Variants in COMP observed in about 807,000 individuals in gnomAD.
COMP encodes the protein cartilage oligomeric matrix protein, also known as cartilage oligomeric matrix protein (pseudoachondroplasia, epiphyseal dysplasia 1, multiple).
COMP carries 79 observed loss-of-function variants against 95.8 expected under a neutral mutation model. That is an observed-to-expected ratio of 0.82 (90% CI 0.69 to 0.99). The LOEUF is 0.99. Among genes scored for constraint, COMP ranks in the 50% least tolerant of loss-of-function variants. The pLI is 0.00. For missense variants in COMP, 906 were observed against 1,076.1 expected (o/e 0.84, Z 2.21); for synonymous variants, 438 against 433.9 (o/e 1.01, Z -0.12).
rs933375240 is a variant in COMP at position 18,789,882 on chromosome 19, G to A, written c.390+60C>T. The A allele has an allele frequency of 8.3e-6, 13 of 1,574,952 alleles. No homozygotes were observed. Among genetic ancestry groups the A allele is most frequent in the East Asian group, 2.3e-5 (1 of 44,256 alleles). On this transcript the variant is annotated intron_variant, in intron 4 of 18. Coordinates refer to ENST00000222271, the MANE Select transcript of COMP (RefSeq NM_000095.3). The surrounding 1 kb of genome is among the most constrained non-coding windows in gnomAD (Gnocchi z 6.1). ...TGGAGGAAGGGGTCTCCCGGGCGGCGAGAGATTGGGGGGCGGTAGAGGGAG... is the reference window on the plus strand; with the variant it reads ...TGGAGGAAGGGGTCTCCCGGGCGGCAAGAGATTGGGGGGCGGTAGAGGGAG...
rs763184247 is a variant in COMP, at chr19:18,791,289, G to A, written c.-20C>T. 1.7e-5 allele frequency: 27 copies of A among 1,578,968 alleles called. No individual in the cohort carries two copies. In the East Asian group the frequency reaches 2.5e-4, roughly 15 times the overall value. On this transcript the variant is annotated 5_prime_UTR_variant, in exon 1 of 19. Coordinates refer to ENST00000222271, the MANE Select transcript of COMP (RefSeq NM_000095.3). The stretch of plus-strand genomic sequence containing the variant: ...GACCATGGCGGTGGCGGGGAGCTGG[G>A]TGGCTGCTCGCTTTCTACCGCCCAC...
intron 10 of COMP, chr19:18,786,905 T>G: frequency 2.4e-6 from 1 of 424,014 alleles, no homozygotes; most frequent in Non-Finnish European, 4.3e-6. Context: ...CCCGAGTAGC[T>G]GGGATTACAG....
At position 18,783,190 on chromosome 19, in the gene COMP, C is replaced by T. The variant is rs1601049632; in HGVS notation, c.2091G>A (p.Val697=). 3 of 1,607,662 alleles carry T rather than the reference C, an allele frequency of 1.9e-6. No homozygotes were observed. The East Asian group carries it at 6.7e-5, about 36-fold the overall frequency. Reference sequence around the variant, plus strand: ...CCAGCTCAGGGCCCTCATAGAATCGCACCCTGAGGGTCAGACATGGTGAGG... The same window carrying T: ...CCAGCTCAGGGCCCTCATAGAATCGTACCCTGAGGGTCAGACATGGTGAGG... The part of the protein sequence containing the change: ...QHRPQVGYIR[V]RFYEGPELVA... Residue 697 remains valine, a synonymous_variant, in exon 18 of 19, where the codon GTG becomes GTA. Coordinates refer to ENST00000222271, the MANE Select transcript of COMP (RefSeq NM_000095.3).
chr19:18,785,486 C>G lies in COMP; in HGVS notation c.1717+12G>C, dbSNP rs770690742. The stretch of plus-strand genomic sequence containing the variant: ...GCTCCGTGGCAGGATAGCGCTGCTC[C>G]CCGCTTCTCACCCACAGCCAGGCCT... On this transcript the variant is annotated intron_variant, in intron 15 of 18. Transcript: ENST00000222271. 3.7e-6 allele frequency: 6 copies of G among 1,613,286 alleles called. No homozygotes were observed. The South Asian group carries it at 4.4e-5, about 12-fold the overall frequency.
At chr19:18,785,241 C>A (rs377122921) in intron 15 of COMP, 149 bp from the exon 16 acceptor site, 2 of 923,802 alleles carry the variant, frequency 2.2e-6, no homozygotes, top group South Asian at 1.4e-5. Context: ...CAGCCACGCC[C>A]CCCATCTACC....
Position 18,782,787 on chromosome 19 carries a change from CTT to C in COMP, c.*126_*127del. 1 of 1,085,984 alleles carries C rather than the reference CTT, an allele frequency of 9.2e-7. No homozygotes were observed. The highest frequency in any genetic ancestry group is 1.4e-6 in the Non-Finnish European group (1 of 733,752). The allele number at this position is 1,085,984 out of a possible 1,614,324, so 67.3% of individuals were successfully genotyped here. A position where few individuals can be genotyped will look rare whatever the true frequency, so the allele number is the denominator to read the frequency against. On this transcript the variant is annotated 3_prime_UTR_variant, in exon 19 of 19. Coordinates refer to ENST00000222271, the MANE Select transcript of COMP (RefSeq NM_000095.3). ...ACAGCCGCCACTCCCTGCACACACACTTTATTTTGTCCTCTCTGAGCCCTTCT... is the reference window on the plus strand; with the variant it reads ...ACAGCCGCCACTCCCTGCACACACACTATTTTGTCCTCTCTGAGCCCTTCT...
chr19:18,782,981 G>C lies in COMP; in HGVS notation c.2228-20C>G. 1 of 1,612,540 alleles carries C rather than the reference G, an allele frequency of 6.2e-7. No individual in the cohort carries two copies. Among genetic ancestry groups the C allele is most frequent in the Non-Finnish European group, 8.5e-7 (1 of 1,179,994 alleles). On this transcript the variant is annotated intron_variant, in intron 18 of 18. Transcript: ENST00000222271. The stretch of plus-strand genomic sequence containing the variant: ...TGGTGTCTGCAGGGAGAGGGCAGGC[G>C]GGTGAGGGCTGAGAAGGCCAGCAGG...
In COMP at chr19:18,783,129, G is replaced by T. The variant is rs28936368; in HGVS notation, c.2152C>A (p.Arg718=). 9.8e-4 allele frequency: 1,572 copies of T among 1,610,894 alleles called. 1 individual carries two copies. Among genetic ancestry groups the T allele is most frequent in the Admixed American group, 2.6e-3 (155 of 60,028 alleles). The change falls in exon 18 of 19, where the codon CGG becomes AGG. Residue 718 remains arginine (R), a synonymous_variant. Coordinates refer to ENST00000222271, the MANE Select transcript of COMP (RefSeq NM_000095.3). ...DSNVVLDTTM[R]GGRLGVFCFS... ...CAGAAGACCCCCAGGCGGCCACCCC[G>T]CATGGTTGTGTCCAAGACCACGTTG...
chr19:18,791,097 C>T, intron 1 of COMP, 94 bp downstream of exon 1: 2 of 1,514,234 alleles, frequency 1.3e-6, no homozygotes, highest in Middle Eastern at 1.7e-4. Flanking sequence ...ACGAACAGTC[C>T]GTGAGCCCCA....
At chr19:18,790,200 G>A (rs1348168415) in intron 3 of COMP, 86 bp from the exon 4 acceptor site, 2 of 1,088,798 alleles carry the variant, frequency 1.8e-6, no homozygotes, top group Non-Finnish European at 2.6e-6. Flanking sequence ...CCCGGGGCTG[G>A]AGGCTTCCCC....
intron 9 of COMP, among the ~76,000 whole-genome samples, chr19:18,787,943 C>A (rs1308196972): frequency 7.0e-6 from 1 of 143,750 alleles, no homozygotes; most frequent in Non-Finnish European, 1.5e-5. Flanking sequence ...CTTGCTCTGT[C>A]GCTAGGCTGG....
rs1486391596 is a variant in COMP at position 18,784,476 on chromosome 19, C to T, written c.1915-113G>A. 23 of 1,247,946 alleles carry T rather than the reference C, an allele frequency of 1.8e-5. No individual in the cohort carries two copies. The highest frequency in any genetic ancestry group is 7.4e-5 in the East Asian group (3 of 40,472). The allele number at this position is 1,247,946 out of a possible 1,614,324, so 77.3% of individuals were successfully genotyped here. A position where few individuals can be genotyped will look rare whatever the true frequency, so the allele number is the denominator to read the frequency against. On this transcript the variant is annotated intron_variant, in intron 16 of 18. Transcript: ENST00000222271. The surrounding 1 kb of genome is among the most constrained non-coding windows in gnomAD (Gnocchi z 4.9). Reference sequence around the variant, plus strand: ...CAGGTGGTGGGCGGCCAGGGGGATCCGGATGAGAGACCCACAAGGAAGCCT... The same window carrying T: ...CAGGTGGTGGGCGGCCAGGGGGATCTGGATGAGAGACCCACAAGGAAGCCT...
intron 3 of COMP, 73 bp downstream of exon 3, chr19:18,790,489 C>T: frequency 1.3e-6 from 2 of 1,593,174 alleles, no homozygotes; most frequent in East Asian, 2.2e-5. Flanking sequence ...CCAGCTTTCC[C>T]TGGCTCTCTG....
chr19:18,786,649 C>T lies in COMP; in HGVS notation c.1137G>A (p.Arg379=), dbSNP rs1160536557. ...GGCAGTTGTCGGCCTGGTTGCGGAT[C>T]CCTGCAGAAATCCACGGGACCAGAG... The part of the protein sequence containing the change: ...DACDDDIDGD[R]IRNQADNCPR... The change falls in exon 11 of 19, where the codon CGG becomes CGA. Residue 379 remains arginine (R), a splice_region_variant and synonymous_variant. Coordinates refer to ENST00000222271, the MANE Select transcript of COMP (RefSeq NM_000095.3). 9 of 1,612,856 alleles carry T rather than the reference C, an allele frequency of 5.6e-6. No individual in the cohort carries two copies.
intron 14 of COMP, 50 bp downstream of exon 14, chr19:18,785,623 C>T (rs1568554530): frequency 6.2e-7 from 1 of 1,613,676 alleles, no homozygotes; most frequent in Non-Finnish European, 8.5e-7. Context: ...ATAGGCCTCA[C>T]TGTGGGGGTT....
In COMP at chr19:18,784,905, G is replaced by C; in HGVS notation, c.1905C>G (p.Ile635Met). 1 of 1,613,804 alleles carries C rather than the reference G, an allele frequency of 6.2e-7. No individual in the cohort carries two copies. Among genetic ancestry groups the C allele is most frequent in the Non-Finnish European group, 8.5e-7 (1 of 1,179,944 alleles). ...NPFRAVAEPG[I>M]QLKAVKSSTG... ...CGGACGGCCCTGGCACCTTGAGTTGGATGCCAGGCTCGGCCACAGCACGGA... is the reference window on the plus strand; with the variant it reads ...CGGACGGCCCTGGCACCTTGAGTTGCATGCCAGGCTCGGCCACAGCACGGA... Residue 635 changes from isoleucine to methionine, a missense_variant, in exon 16 of 19, where the codon ATC (isoleucine) becomes ATG (methionine). Coordinates refer to ENST00000222271, the MANE Select transcript of COMP (RefSeq NM_000095.3). This position sits in a 1 kb window ranked among gnomAD's most constrained non-coding sequence, Gnocchi z 4.9.
chr19:18,787,766 T>A, intron 9 of COMP, 116 bp from the exon 10 acceptor site: 1 of 1,411,388 alleles, frequency 7.1e-7, no homozygotes, highest in Non-Finnish European at 9.8e-7. Flanking sequence ...TCGCCCCTCC[T>A]AGACCACGGA....
rs758502189 is a variant in COMP at position 18,783,026 on chromosome 19, G to A, written c.2227+28C>T. The A allele has an allele frequency of 7.4e-6, 12 of 1,611,468 alleles. No homozygotes were observed. In the African/African-American group the frequency reaches 8.0e-5, roughly 11 times the overall value. On this transcript the variant is annotated intron_variant, in intron 18 of 18. Transcript: ENST00000222271. ...AGCAGGGCCTGTGTGCAGACTCCCC[G>A]CCCACGGCCCGCTGGCCCTCGGCTC...
At chr19:18,786,356 C>A in intron 11 of COMP, 65 bp from the exon 12 acceptor site, 1 of 1,610,372 alleles carries the variant, frequency 6.2e-7, no homozygotes, top group Non-Finnish European at 8.5e-7. Context: ...TCCCACCCAA[C>A]CCAGCCGCAC....
Sources: gnomAD v4.1 joint callset for allele counts (sites outside exome capture counted in the v4.1 genomes callset) on GRCh38, gnomAD v4.1.1 for gene constraint, Gnocchi (gnomAD v3.1) non-coding constraint, MANE v1.5 for transcripts, NCBI Gene and HGNC (gene_info 2026-07-23, HGNC 2026-07-21) for gene names.